Variants in LARGE1 observed in about 807,000 individuals in gnomAD.
LARGE1 encodes LARGE xylosyl- and glucuronyltransferase 1.
LARGE1 carries 43 observed loss-of-function variants against 87.6 expected under a neutral mutation model. The ratio of observed to expected loss-of-function variants is 0.49; its 90% confidence interval spans 0.38 to 0.63. LARGE1 has a LOEUF of 0.63. Among genes scored for constraint, LARGE1 ranks in the 30% least tolerant of loss-of-function variants. The pLI is 0.00. For synonymous variants in LARGE1, 434 were observed against 394.6 expected (o/e 1.10, Z -1.18); for missense variants, 802 against 1,000.2 (o/e 0.80, Z 2.67).
chr22:33,754,043 T>C (rs965791055), intron 2 of LARGE1, among the ~76,000 whole-genome samples: 9 of 151,842 alleles, frequency 5.9e-5, no homozygotes, highest in Non-Finnish European at 1.0e-4. Flanking sequence ...TCCTGGGCAA[T>C]AGAGCAAGAC....
chr22:33,793,295 CA>C (rs1464073657), intron 1 of LARGE1, among the ~76,000 whole-genome samples: 2 of 152,088 alleles, frequency 1.3e-5, no homozygotes, highest in Admixed American at 1.3e-4. Flanking sequence ...AACAGCCAAC[CA>C]CCCCACATCT....
chr22:33,695,896 TC>T (rs2082228626), intron 2 of LARGE1, among the ~76,000 whole-genome samples: 1 of 152,214 alleles, frequency 6.6e-6, no homozygotes, highest in African/African-American at 2.4e-5. Context: ...ATCTGCATCC[TC>T]CCACCATAGG....
intron 1 of LARGE1, among the ~76,000 whole-genome samples, chr22:33,846,878 T>C (rs921433626): frequency 1.3e-5 from 2 of 152,198 alleles, no homozygotes; most frequent in Non-Finnish European, 2.9e-5. Flanking sequence ...TCAATGACAA[T>C]GGTGCCCGAA....
Position 33,274,241 on chromosome 22 carries a change from G to A in LARGE1, c.*186C>T, listed in dbSNP as rs780030367. ...ACCTCTGGGAATGCAGGGTTGTGGG[G>A]CAGAGAGGGACTGGCTGGATCCTTG... On this transcript the variant is annotated 3_prime_UTR_variant, in exon 15 of 15. Transcript: ENST00000397394. The A allele has an allele frequency of 6.2e-5, 41 of 662,078 alleles. No individual in the cohort carries two copies. The highest frequency in any genetic ancestry group is 9.7e-5 in the Non-Finnish European group (36 of 370,040). The allele number at this position is 662,078 out of a possible 1,614,324, so 41.0% of individuals were successfully genotyped here.
intron 11 of LARGE1, among the ~76,000 whole-genome samples, chr22:33,212,038 T>C (rs1924990940): frequency 6.6e-6 from 1 of 152,006 alleles, no homozygotes; most frequent in Admixed American, 6.6e-5. Context: ...GTTGTCTCCA[T>C]AACACCAAAA....
At chr22:33,783,890 TAG>T (rs1267990775) in intron 1 of LARGE1, among the ~76,000 whole-genome samples, 1 of 152,184 alleles carries the variant, frequency 6.6e-6, no homozygotes, top group African/African-American at 2.4e-5. Flanking sequence ...AGAGGGAGAT[TAG>T]AGTGGTCTTT....
At chr22:33,592,989 A>G (rs2078885039) in intron 5 of LARGE1, among the ~76,000 whole-genome samples, 1 of 151,970 alleles carries the variant, frequency 6.6e-6, no homozygotes. Flanking sequence ...AGAGGTGCCC[A>G]CCACCACATC....
At chr22:33,454,424 C>G (rs2147947481) in intron 6 of LARGE1, among the ~76,000 whole-genome samples, 1 of 151,840 alleles carries the variant, frequency 6.6e-6, no homozygotes, top group Non-Finnish European at 1.5e-5. Flanking sequence ...TTGAGACTAG[C>G]CTGGCCAACA....
At chr22:33,735,517 T>C (rs2083624238) in intron 2 of LARGE1, among the ~76,000 whole-genome samples, 1 of 151,990 alleles carries the variant, frequency 6.6e-6, no homozygotes, top group South Asian at 2.1e-4. Context: ...CCAACAAAGG[T>C]ATCTCAGAAA....
intron 11 of LARGE1, among the ~76,000 whole-genome samples, chr22:33,169,565 T>C (rs1274766147): frequency 6.6e-6 from 1 of 152,052 alleles, no homozygotes; most frequent in Admixed American, 6.6e-5. Context: ...AAAAATGTCC[T>C]GAGGGGCTGG....
chr22:33,786,064 T>C (rs1347031964), intron 1 of LARGE1, among the ~76,000 whole-genome samples: 1 of 152,204 alleles, frequency 6.6e-6, no homozygotes, highest in Non-Finnish European at 1.5e-5. Flanking sequence ...TTTTTATTTT[T>C]TTAATCCTGT....
At chr22:33,768,315 A>T (rs1044486225) in intron 1 of LARGE1, among the ~76,000 whole-genome samples, 2 of 152,170 alleles carry the variant, frequency 1.3e-5, no homozygotes, top group Non-Finnish European at 2.9e-5. Context: ...AGAAAAAAAA[A>T]CCAAGTCCTA....
intron 11 of LARGE1, among the ~76,000 whole-genome samples, chr22:33,209,469 G>C (rs1924851348): frequency 6.6e-6 from 1 of 152,072 alleles, no homozygotes; most frequent in African/African-American, 2.4e-5. Context: ...TGATGTGGTG[G>C]GTTCAATTTC....
chr22:33,770,881 G>A (rs991307110), intron 1 of LARGE1, among the ~76,000 whole-genome samples: 3 of 151,966 alleles, frequency 2.0e-5, no homozygotes, highest in Admixed American at 6.6e-5. Context: ...TAATCTCCGC[G>A]TGACCATTCT....
At chr22:33,317,734 A>G (rs1569048846) in intron 10 of LARGE1, among the ~76,000 whole-genome samples, 2 of 152,192 alleles carry the variant, frequency 1.3e-5, no homozygotes, top group Admixed American at 6.5e-5. Flanking sequence ...TGTTTTACAG[A>G]TGAAGAACTG....
At chr22:33,226,456 C>G (rs1482997996) in intron 11 of LARGE1, among the ~76,000 whole-genome samples, 1 of 152,220 alleles carries the variant, frequency 6.6e-6, no homozygotes, top group African/African-American at 2.4e-5. Flanking sequence ...ATCATTGCTT[C>G]TAGGACACAT....
chr22:33,665,439 G>A (rs986294008), intron 2 of LARGE1, among the ~76,000 whole-genome samples: 1 of 152,142 alleles, frequency 6.6e-6, no homozygotes, highest in African/African-American at 2.4e-5. Flanking sequence ...GTGAATACAA[G>A]CAACTTTTGC....
At chr22:33,339,266 A>G (rs866676429) in intron 9 of LARGE1, among the ~76,000 whole-genome samples, 17 of 149,378 alleles carry the variant, frequency 1.1e-4, no homozygotes, top group South Asian at 2.1e-4. Context: ...GGCCTGGGAC[A>G]GAGGGAAGAT....
At chr22:33,434,863 C>A (rs1031043841) in intron 6 of LARGE1, among the ~76,000 whole-genome samples, 2 of 152,176 alleles carry the variant, frequency 1.3e-5, no homozygotes, top group Non-Finnish European at 2.9e-5. Context: ...TCCCCACCCA[C>A]AATCCTTTCA....
Sources: gnomAD v4.1 joint callset for allele counts (sites outside exome capture counted in the v4.1 genomes callset) on GRCh38, gnomAD v4.1.1 for gene constraint, MANE v1.5 for transcripts, NCBI Gene and HGNC (gene_info 2026-07-23, HGNC 2026-07-21) for gene names.